PHLDB2: variants seen among roughly 807,000 people sequenced by gnomAD.
The protein encoded by PHLDB2 is pleckstrin homology-like domain family B member 2.
In PHLDB2, 71 loss-of-function variants were observed where a neutral mutation model predicts 123.6. The observed-to-expected ratio is 0.57, with a 90% CI of 0.47 to 0.70. The LOEUF is 0.70. PHLDB2 is among the 30% of genes least tolerant of loss of function. The pLI is 0.00. For synonymous variants in PHLDB2, 547 were observed against 541.6 expected (o/e 1.01, Z -0.14); for missense variants, 1,446 against 1,519.5 (o/e 0.95, Z 0.80).
intron 1 of PHLDB2, among the ~76,000 whole-genome samples, chr3:111,758,901 C>T (rs575788376): frequency 3.2e-4 from 48 of 152,126 alleles, no homozygotes; most frequent in Admixed American, 6.5e-4. Context: ...CTACTAGATG[C>T]GGCACAGACA....
intron 1 of PHLDB2, among the ~76,000 whole-genome samples, chr3:111,813,901 A>T (rs2061955825): frequency 6.6e-6 from 1 of 152,196 alleles, no homozygotes; most frequent in South Asian, 2.1e-4. Flanking sequence ...ACAACCCAAG[A>T]TATGTGGTTG....
At chr3:111,883,495 G>A (rs1004324990) in intron 1 of PHLDB2, among the ~76,000 whole-genome samples, 1 of 152,170 alleles carries the variant, frequency 6.6e-6, no homozygotes, top group African/African-American at 2.4e-5. Flanking sequence ...ATGACTAAAG[G>A]AGCTTTAAGT....
At chr3:111,918,874 T>C (rs774710693) in intron 3 of PHLDB2, among the ~76,000 whole-genome samples, 198 bp from the exon 4 acceptor site, 29 of 152,224 alleles carry the variant, frequency 1.9e-4, no homozygotes, top group Non-Finnish European at 3.4e-4. Flanking sequence ...TCAACTCTCC[T>C]GAGAGCCTAA....
intron 1 of PHLDB2, 69 bp from the exon 2 acceptor site, chr3:111,883,995 A>T: frequency 7.2e-7 from 1 of 1,389,046 alleles, no homozygotes; most frequent in South Asian, 1.4e-5. Context: ...GTTCAGATGT[A>T]GGCCTAACAA....
chr3:111,776,031 T>C (rs573351779), intron 1 of PHLDB2, among the ~76,000 whole-genome samples: 2 of 152,298 alleles, frequency 1.3e-5, no homozygotes, highest in South Asian at 4.1e-4. Context: ...AGGCAAGAGA[T>C]TCTTAAGCAT....
intron 1 of PHLDB2, among the ~76,000 whole-genome samples, chr3:111,771,440 C>A (rs2060175349): frequency 6.6e-6 from 1 of 151,996 alleles, no homozygotes; most frequent in African/African-American, 2.4e-5. Context: ...ACCTCCCCTT[C>A]CTGGGTTCAA....
intron 2 of PHLDB2, among the ~76,000 whole-genome samples, chr3:111,892,087 T>C (rs1381548308): frequency 6.6e-6 from 1 of 152,318 alleles, no homozygotes; most frequent in South Asian, 2.1e-4. Flanking sequence ...TTGATACTTA[T>C]TTCTCAAACA....
chr3:111,768,218 A>G (rs2060115401), intron 1 of PHLDB2, among the ~76,000 whole-genome samples: 1 of 152,182 alleles, frequency 6.6e-6, no homozygotes, highest in Non-Finnish European at 1.5e-5. Context: ...GATTGCAAGA[A>G]GAAGATAAAA....
At chr3:111,874,353 A>G (rs897047098) in intron 1 of PHLDB2, among the ~76,000 whole-genome samples, 8 of 152,174 alleles carry the variant, frequency 5.3e-5, no homozygotes, top group African/African-American at 7.2e-5. Context: ...ACTCTAAGCT[A>G]TGTAAAGGCA....
At chr3:111,751,856 A>G (rs549793773) in intron 1 of PHLDB2, among the ~76,000 whole-genome samples, 2 of 152,122 alleles carry the variant, frequency 1.3e-5, no homozygotes, top group Non-Finnish European at 2.9e-5. Context: ...AAAATTTTTT[A>G]AAAAAGAGAG....
At chr3:111,817,357 G>A (rs1370227985) in intron 1 of PHLDB2, among the ~76,000 whole-genome samples, 2 of 152,144 alleles carry the variant, frequency 1.3e-5, no homozygotes, top group Non-Finnish European at 2.9e-5. Context: ...TGCACAAGAA[G>A]AGAAGTTTAT....
At chr3:111,821,710 T>A (rs1228546917) in intron 1 of PHLDB2, among the ~76,000 whole-genome samples, 2 of 152,200 alleles carry the variant, frequency 1.3e-5, no homozygotes, top group African/African-American at 2.4e-5. Flanking sequence ...CATGATGTAG[T>A]CAAGGTGACA....
chr3:111,913,239 C>G (rs1043810771), intron 2 of PHLDB2, 80 bp from the exon 3 acceptor site: 1 of 1,449,250 alleles, frequency 6.9e-7, no homozygotes, highest in Non-Finnish European at 9.3e-7. Context: ...ACCAGTTGTC[C>G]CAGCCTCTTC....
At chr3:111,876,091 C>T (rs910278961) in intron 1 of PHLDB2, among the ~76,000 whole-genome samples, 2 of 152,000 alleles carry the variant, frequency 1.3e-5, no homozygotes, top group East Asian at 3.9e-4. Context: ...GAAGAATAGG[C>T]ATATTGAGGA....
At chr3:111,882,705 T>G (rs1167484282) in intron 1 of PHLDB2, among the ~76,000 whole-genome samples, 6 of 152,320 alleles carry the variant, frequency 3.9e-5, no homozygotes, top group African/African-American at 1.4e-4. Context: ...CCAGACTGTT[T>G]CTTGGCCTTC....
At chr3:111,741,022 AACC>A (rs1225842890) in intron 1 of PHLDB2, among the ~76,000 whole-genome samples, 3 of 152,178 alleles carry the variant, frequency 2.0e-5, no homozygotes, top group African/African-American at 7.2e-5. Context: ...TCCTAATGCT[AACC>A]ACCAAGTACC....
chr3:111,784,823 A>T (rs1023005626), intron 1 of PHLDB2, among the ~76,000 whole-genome samples: 1 of 152,184 alleles, frequency 6.6e-6, no homozygotes, highest in Non-Finnish European at 1.5e-5. Context: ...TTAACTAAAT[A>T]ATAGTAATGG....
intron 1 of PHLDB2, among the ~76,000 whole-genome samples, chr3:111,806,933 G>T (rs2108304429): frequency 6.6e-6 from 1 of 151,664 alleles, no homozygotes; most frequent in South Asian, 2.1e-4. Context: ...ACCATGCCCA[G>T]CCCCTTTTTG....
chr3:111,975,126 A>AC lies in PHLDB2; in HGVS notation c.*564dup, dbSNP rs1347396911. On this transcript the variant is annotated 3_prime_UTR_variant, in exon 18 of 18. Transcript: ENST00000431670. Reference sequence around the variant, plus strand: ...ACCTGACTTCTGTGGAACAGTAGTAACTGCAAGTGATGAACTGCATTTCGT... The same window carrying AC: ...ACCTGACTTCTGTGGAACAGTAGTAACCTGCAAGTGATGAACTGCATTTCGT... 6.6e-6 allele frequency: 1 copy of AC among 152,670 alleles called. No individual in the cohort carries two copies. Among genetic ancestry groups the AC allele is most frequent in the Non-Finnish European group, 1.5e-5 (1 of 68,064 alleles). 9.5% of individuals were successfully genotyped at this position (152,670 alleles called of 1,614,324 possible). A position where few individuals can be genotyped will look rare whatever the true frequency, so the allele number is the denominator to read the frequency against.
Sources: gnomAD v4.1 joint callset for allele counts (sites outside exome capture counted in the v4.1 genomes callset) on GRCh38, gnomAD v4.1.1 for gene constraint, MANE v1.5 for transcripts, NCBI Gene and HGNC (gene_info 2026-07-23, HGNC 2026-07-21) for gene names.